The following AP3B1 variants were observed in gnomAD, a reference collection of about 807,000 sequenced individuals.
AP3B1 encodes adaptor related protein complex 3 subunit beta 1.
In AP3B1, 61 loss-of-function variants were observed where a neutral mutation model predicts 132.5. The ratio of observed to expected loss-of-function variants is 0.46; its 90% confidence interval spans 0.37 to 0.57. AP3B1 has a LOEUF of 0.57. Among genes scored for constraint, AP3B1 ranks in the 20% least tolerant of loss-of-function variants. The probability of loss-of-function intolerance (pLI) is 0.00; values close to 1 mark genes in which losing one functional copy is unlikely to be tolerated. For missense variants in AP3B1, 1,120 were observed against 1,289.4 expected (o/e 0.87, Z 2.01); for synonymous variants, 388 against 438.3 (o/e 0.89, Z 1.43).
intron 13 of AP3B1, among the ~76,000 whole-genome samples, chr5:78,158,442 A>T (rs947280349): frequency 6.6e-6 from 1 of 151,894 alleles, no homozygotes; most frequent in Non-Finnish European, 1.5e-5. Flanking sequence ...TGGGTGACAG[A>T]GTGAGAAAAG....
intron 22 of AP3B1, chr5:78,043,377 A>C (rs980878272): frequency 4.9e-5 from 9 of 182,026 alleles, no homozygotes; most frequent in Non-Finnish European, 1.2e-5. Context: ...TCGATCTGCC[A>C]CCTCAGCCTC....
intron 6 of AP3B1, among the ~76,000 whole-genome samples, chr5:78,218,998 GT>G (rs931044848): frequency 3.9e-5 from 6 of 152,066 alleles, no homozygotes; most frequent in Non-Finnish European, 8.8e-5. Flanking sequence ...TCAGGGGTGT[GT>G]TTTTTGCACA....
Position 78,002,818 on chromosome 5 carries a change from CTAT to C in AP3B1, c.*81_*83del. 3 of 1,477,338 alleles carry C rather than the reference CTAT, an allele frequency of 2.0e-6. No individual in the cohort carries two copies. Among genetic ancestry groups the C allele is most frequent in the South Asian group, 1.1e-5 (1 of 88,418 alleles). The allele number at this position is 1,477,338 out of a possible 1,614,324, so 91.5% of individuals were successfully genotyped here. On this transcript the variant is annotated 3_prime_UTR_variant, in exon 27 of 27. Transcript: ENST00000255194. The stretch of plus-strand genomic sequence containing the variant: ...CTACCCCCACTGCCAGATGGAAGGG[CTAT>C]TATTATAAATGAAAGGCAGCAGTAG...
chr5:78,097,235 T>TG (rs1411604430), intron 21 of AP3B1, among the ~76,000 whole-genome samples: 2 of 73,188 alleles, frequency 2.7e-5, no homozygotes, highest in South Asian at 4.5e-4. Context: ...GGGAGGGAGG[T>TG]GGGGGGGTCA....
intron 14 of AP3B1, among the ~76,000 whole-genome samples, chr5:78,148,318 A>T (rs547215236): frequency 7.2e-5 from 11 of 152,178 alleles, no homozygotes; most frequent in Non-Finnish European, 1.2e-4. Flanking sequence ...AAGTCTGGGG[A>T]GATACAGAAC....
rs1746824105 is a variant in AP3B1 at position 78,015,551 on chromosome 5, G to A, written c.2993-3C>T. 7.4e-6 allele frequency: 12 copies of A among 1,613,228 alleles called. No homozygotes were observed. Among genetic ancestry groups the A allele is most frequent in the Non-Finnish European group, 1.0e-5 (12 of 1,179,590 alleles). ...TTCATTCATTCCTGTTAGCACTCCTGTAAAAGCAAAAGAAGGCTCCCTTTT... is the reference window on the plus strand; with the variant it reads ...TTCATTCATTCCTGTTAGCACTCCTATAAAAGCAAAAGAAGGCTCCCTTTT... On this transcript the variant is annotated splice_region_variant and splice_polypyrimidine_tract_variant and intron_variant, in intron 25 of 26. Coordinates refer to ENST00000255194, the MANE Select transcript of AP3B1 (RefSeq NM_003664.5).
rs1166811598 is a variant in AP3B1 at position 78,294,609 on chromosome 5, T to C, written c.-30A>G. On this transcript the variant is annotated 5_prime_UTR_variant, in exon 1 of 27. Transcript: ENST00000255194. ...GCGGTGCTGGCGGGTGCGGGGTTGG[T>C]CCTGCCGGGGGTTCTCTCCAAAAGG... 6.2e-7 allele frequency: 1 copy of C among 1,613,434 alleles called. No individual in the cohort carries two copies. The highest frequency in any genetic ancestry group is 1.3e-5 in the African/African-American group (1 of 75,068).
intron 13 of AP3B1, 52 bp from the exon 14 acceptor site, chr5:78,156,419 G>A (rs376464193): frequency 3.5e-4 from 437 of 1,242,046 alleles, no homozygotes; most frequent in Non-Finnish European, 4.8e-4. Flanking sequence ...CAATTCAAAT[G>A]CAATATGCTT....
chr5:78,241,449 T>A (rs2112519654), intron 2 of AP3B1, among the ~76,000 whole-genome samples: 1 of 152,288 alleles, frequency 6.6e-6, no homozygotes, highest in South Asian at 2.1e-4. Context: ...TTTTTGCTAT[T>A]TTCTATTTTC....
intron 22 of AP3B1, among the ~76,000 whole-genome samples, chr5:78,066,952 C>T (rs1490898767): frequency 6.6e-6 from 1 of 152,190 alleles, no homozygotes; most frequent in East Asian, 1.9e-4. Context: ...GCCCATCAGA[C>T]TGACAGCAGA....
chr5:78,290,175 G>A (rs746887341), intron 1 of AP3B1, among the ~76,000 whole-genome samples: 4 of 152,208 alleles, frequency 2.6e-5, no homozygotes, highest in Non-Finnish European at 5.9e-5. Flanking sequence ...ACTTGAACAA[G>A]GAAGCACTAC....
chr5:78,092,386 T>G (rs1490534922), intron 21 of AP3B1, among the ~76,000 whole-genome samples: 1 of 152,188 alleles, frequency 6.6e-6, no homozygotes, highest in Admixed American at 6.5e-5. Context: ...AAGATGAAAG[T>G]TGGCATTGAA....
intron 1 of AP3B1, among the ~76,000 whole-genome samples, chr5:78,293,763 T>G (rs944305062): frequency 6.6e-6 from 1 of 152,186 alleles, no homozygotes; most frequent in Admixed American, 6.5e-5. Context: ...TCGGTGATAC[T>G]TTTTACAAAA....
At chr5:78,101,076 G>T in intron 20 of AP3B1, 51 bp from the exon 21 acceptor site, 2 of 1,142,238 alleles carry the variant, frequency 1.8e-6, no homozygotes, top group Non-Finnish European at 2.6e-6. Flanking sequence ...TTAAAAATCT[G>T]TGGAGTAGTC....
intron 25 of AP3B1, among the ~76,000 whole-genome samples, chr5:78,020,361 C>T (rs781399914): frequency 6.6e-6 from 1 of 152,042 alleles, no homozygotes; most frequent in Non-Finnish European, 1.5e-5. Context: ...GGTAGGACAT[C>T]GGTAAAGTCC....
chr5:78,248,513 A>G (rs902972880), intron 2 of AP3B1, among the ~76,000 whole-genome samples: 3 of 150,998 alleles, frequency 2.0e-5, no homozygotes, highest in South Asian at 2.1e-4. Flanking sequence ...AAAAAAAAAA[A>G]AAAGAAAAGA....
At chr5:78,118,919 C>A (rs1310262258) in intron 17 of AP3B1, among the ~76,000 whole-genome samples, 1 of 152,188 alleles carries the variant, frequency 6.6e-6, no homozygotes, top group African/African-American at 2.4e-5. Context: ...CTGGGAGGCA[C>A]CCCCCAGTAG....
At chr5:78,163,074 T>C (rs1441116267) in intron 12 of AP3B1, 123 bp from the exon 13 acceptor site, 1 of 896,280 alleles carries the variant, frequency 1.1e-6, no homozygotes, top group East Asian at 2.5e-5. Context: ...ATAAGCACAA[T>C]ATGAGGACCA....
At chr5:78,269,881 TTTTA>T (rs1748477630) in intron 1 of AP3B1, among the ~76,000 whole-genome samples, 1 of 152,090 alleles carries the variant, frequency 6.6e-6, no homozygotes, top group South Asian at 2.1e-4. Flanking sequence ...GCCTTTTTCA[TTTTA>T]TTTTTCTTTA....
Sources: allele counts gnomAD v4.1 joint callset (sites outside exome capture counted in the v4.1 genomes callset), GRCh38; gene constraint gnomAD v4.1.1; transcripts MANE v1.5; gene names NCBI Gene and HGNC (gene_info 2026-07-23, HGNC 2026-07-21).